Variants in KIF20B observed in about 807,000 individuals in gnomAD.
KIF20B encodes kinesin-like protein KIF20B.
KIF20B carries 188 observed loss-of-function variants against 232.5 expected under a neutral mutation model. The ratio of observed to expected loss-of-function variants is 0.81; its 90% CI spans 0.72 to 0.91. The LOEUF is 0.91. KIF20B is among the 40% of genes least tolerant of loss of function. KIF20B has a pLI of 0.00. For missense variants in KIF20B, 2,154 were observed against 2,055.9 expected (o/e 1.05, Z -0.92); for synonymous variants, 712 against 683.0 (o/e 1.04, Z -0.66).
chr10:89,722,466 A>T (rs1160246898), intron 13 of KIF20B, among the ~76,000 whole-genome samples: 1 of 152,102 alleles, frequency 6.6e-6, no homozygotes. Context: ...TTGAGAGATT[A>T]AGACCATCCT....
chr10:89,709,409 G>T lies in KIF20B; in HGVS notation c.299G>T (p.Arg100Leu), dbSNP rs763235804. 1.2e-6 allele frequency: 2 copies of T among 1,613,460 alleles called. No individual in the cohort carries two copies. The highest frequency in any genetic ancestry group is 4.5e-5 in the East Asian group (2 of 44,824). The change falls in exon 4 of 33, where the codon CGG becomes CTG. Residue 100 changes from arginine (R) to leucine (L), a missense_variant. Coordinates refer to ENST00000371728, the MANE Select transcript of KIF20B (RefSeq NM_001284259.2). ...VLKEPQCILG[R>L]LSEKSSGQMA... ...AAAGAGCCTCAATGCATCCTTGGTC[G>T]GTTAAGTGAAAAAAGCTCAGGGCAG...
At chr10:89,764,905 A>G (rs1482262117) in intron 29 of KIF20B, among the ~76,000 whole-genome samples, 2 of 151,580 alleles carry the variant, frequency 1.3e-5, no homozygotes, top group African/African-American at 2.4e-5. Context: ...GTTTAATTAG[A>G]TCCCATTTGT....
chr10:89,704,623 C>T (rs1842685722), intron 1 of KIF20B, among the ~76,000 whole-genome samples: 1 of 151,660 alleles, frequency 6.6e-6, no homozygotes, highest in Non-Finnish European at 1.5e-5. Flanking sequence ...GTGGCGCGAT[C>T]GCGATTCACT....
At chr10:89,763,447 C>A (rs904592019) in intron 29 of KIF20B, among the ~76,000 whole-genome samples, 2 of 152,096 alleles carry the variant, frequency 1.3e-5, no homozygotes, top group Admixed American at 1.3e-4. Context: ...AGTCACTTTC[C>A]CTGTATTGGA....
chr10:89,762,601 CT>C, intron 28 of KIF20B, 36 bp from the exon 29 acceptor site: 2 of 1,488,400 alleles, frequency 1.3e-6, no homozygotes, highest in Non-Finnish European at 9.3e-7. Flanking sequence ...AATGTATACT[CT>C]ACAAATAATA....
chr10:89,725,175 A>T lies in KIF20B; in HGVS notation c.2001+17A>T. On this transcript the variant is annotated intron_variant, in intron 15 of 32. Transcript: ENST00000371728. ...GAAACTGAAGTATGTTAATTGAAGT[A>T]TTTAAAAATATCCAGTGAGGTTTTG... The T allele has an allele frequency of 6.2e-7, 1 of 1,612,000 alleles. No homozygotes were observed. The highest frequency in any genetic ancestry group is 8.5e-7 in the Non-Finnish European group (1 of 1,178,556).
At position 89,727,860 on chromosome 10, in the gene KIF20B, A is replaced by C; in HGVS notation, c.2235A>C (p.Ser745=). 6.4e-7 allele frequency: 1 copy of C among 1,552,846 alleles called. No homozygotes were observed. ...CAATGTTCTTTATTTTTTCAGAATC[A>C]GATTCATTGATTCAAGAGCTTGAGA... The part of the protein sequence containing the change: ...KEELKKRENE[S]DSLIQELETS... The change falls in exon 17 of 33, where the codon TCA becomes TCC. Residue 745 remains serine, a synonymous_variant. Coordinates refer to ENST00000371728, the MANE Select transcript of KIF20B (RefSeq NM_001284259.2).
intron 26 of KIF20B, among the ~76,000 whole-genome samples, chr10:89,758,071 C>G (rs1184923736): frequency 6.6e-6 from 1 of 151,878 alleles, no homozygotes; most frequent in African/African-American, 2.4e-5. Flanking sequence ...TTTGAGTATT[C>G]TAGATGATTT....
Position 89,768,749 on chromosome 10 carries a change from T to A in KIF20B, c.5103T>A (p.Arg1701=), listed in dbSNP as rs768046712. The A allele has an allele frequency of 6.3e-7, 1 of 1,588,692 alleles. No homozygotes were observed. Among genetic ancestry groups the A allele is most frequent in the Admixed American group, 1.9e-5 (1 of 52,556 alleles). The change falls in exon 31 of 33, where the codon CGT becomes CGA. Residue 1701 remains arginine, a synonymous_variant. Transcript: ENST00000371728. ...SVKKEQKVAI[R]PSSKKTYSLR... ...GTTTTGTTTATTAGGTTGCCATACGTCCATCATCTAAGAAAACATATTCTT... is the reference window on the plus strand; with the variant it reads ...GTTTTGTTTATTAGGTTGCCATACGACCATCATCTAAGAAAACATATTCTT...
chr10:89,719,928 A>G (rs1250046537), intron 13 of KIF20B, among the ~76,000 whole-genome samples: 1 of 152,188 alleles, frequency 6.6e-6, no homozygotes, highest in Non-Finnish European at 1.5e-5. Context: ...GTATGTGAAT[A>G]CACATCTTTT....
In KIF20B at chr10:89,774,032, C is replaced by A. The variant is rs80126189; in HGVS notation, c.5447C>A (p.Thr1816Lys). 1.9e-6 allele frequency: 3 copies of A among 1,579,420 alleles called. No homozygotes were observed. The highest frequency in any genetic ancestry group is 2.6e-6 in the Non-Finnish European group (3 of 1,159,344). The change falls in exon 33 of 33, where the codon ACA becomes AAA. Residue 1816 changes from threonine to lysine, a missense_variant. Thr to Lys is a moderately conservative substitution (Grantham distance 78, BLOSUM62 -1). Coordinates refer to ENST00000371728, the MANE Select transcript of KIF20B (RefSeq NM_001284259.2). Reference sequence around the variant, plus strand: ...CAGATTATCAAACGACGACTTCGAACAAAAACAGCCAAATAAATCACTTAT... The same window carrying A: ...CAGATTATCAAACGACGACTTCGAAAAAAAACAGCCAAATAAATCACTTAT... ...DHQIIKRRLRTKTAK is the reference protein window; with the variant it reads ...DHQIIKRRLRKKTAK
chr10:89,706,729 A>G (rs946984237), intron 2 of KIF20B, among the ~76,000 whole-genome samples: 11 of 151,522 alleles, frequency 7.3e-5, no homozygotes, highest in Admixed American at 3.9e-4. Flanking sequence ...ACGGCTGTGT[A>G]TATGTGGATC....
At position 89,706,835 on chromosome 10, in the gene KIF20B, G is replaced by A. The variant is rs139675499; in HGVS notation, c.147+1394G>A. 2.9e-3 allele frequency among the ~76,000 whole-genome samples: 437 copies of A among 152,114 alleles called. 2 individuals are homozygous for A. The highest frequency in any genetic ancestry group is 9.2e-3 in the African/African-American group (382 of 41,518). On this transcript the variant is annotated intron_variant, in intron 2 of 32. Coordinates refer to ENST00000371728, the MANE Select transcript of KIF20B (RefSeq NM_001284259.2). Reference sequence around the variant, plus strand: ...AGCTTTATAATGATTCTTGAAATTAGGTAGTGTGAATTCTCCAGTTTTGCT... The same window carrying A: ...AGCTTTATAATGATTCTTGAAATTAAGTAGTGTGAATTCTCCAGTTTTGCT...
In KIF20B at chr10:89,715,144, G is replaced by A. The variant is rs755790468; in HGVS notation, c.902G>A (p.Arg301His). Residue 301 changes from arginine to histidine, a missense_variant, in exon 8 of 33, where the codon CGC becomes CAC. Transcript: ENST00000371728. The stretch of plus-strand genomic sequence containing the variant: ...AAATTCCAAAAGAGAAAGATGCTGC[G>A]CCTTTCCCAAGACGTAAAGGGCTAT... ...SSKFQKRKML[R>H]LSQDVKGYSF... The A allele has an allele frequency of 3.1e-6, 5 of 1,605,026 alleles. No homozygotes were observed. In the South Asian group the frequency reaches 3.4e-5, roughly 11 times the overall value.
In KIF20B at chr10:89,773,113, C is replaced by A. The variant is rs146034963; in HGVS notation, c.5385+282C>A. Among the ~76,000 whole-genome samples the A allele has an allele frequency of 4.6e-5, 7 of 151,858 alleles. No homozygotes were observed. The East Asian group carries it at 1.4e-3, about 29-fold the overall frequency. Reference sequence around the variant, plus strand: ...TTATTTGCCTCCACAATCTTTTTTTCTTTTTCTTTCTCTTTTTTAAATCAC... The same window carrying A: ...TTATTTGCCTCCACAATCTTTTTTTATTTTTCTTTCTCTTTTTTAAATCAC... On this transcript the variant is annotated intron_variant, in intron 32 of 32. Coordinates refer to ENST00000371728, the MANE Select transcript of KIF20B (RefSeq NM_001284259.2).
intron 7 of KIF20B, 32 bp from the exon 8 acceptor site, chr10:89,714,923 G>T: frequency 2.3e-6 from 3 of 1,319,172 alleles, no homozygotes; most frequent in Non-Finnish European, 2.1e-6. Context: ...GCTTACTTTC[G>T]TGATTGTTTT....
At chr10:89,706,285 C>G (rs954066105) in intron 2 of KIF20B, among the ~76,000 whole-genome samples, 2 of 152,132 alleles carry the variant, frequency 1.3e-5, no homozygotes, top group African/African-American at 4.8e-5. Context: ...TGTAAAGTGT[C>G]TCTTCAGATC....
chr10:89,758,035 A>G (rs1842166419), intron 26 of KIF20B, among the ~76,000 whole-genome samples: 1 of 151,862 alleles, frequency 6.6e-6, no homozygotes, highest in South Asian at 2.1e-4. Context: ...AATTGCTGTC[A>G]TTTTGTTCTT....
intron 2 of KIF20B, among the ~76,000 whole-genome samples, chr10:89,708,891 A>G (rs1689401986): frequency 6.6e-6 from 1 of 152,192 alleles, no homozygotes; most frequent in African/African-American, 2.4e-5. Context: ...TTAGGGCCTC[A>G]TTAATTATAT....
Sources: gnomAD v4.1 joint callset for allele counts (sites outside exome capture counted in the v4.1 genomes callset) on GRCh38, gnomAD v4.1.1 for gene constraint, MANE v1.5 for transcripts, NCBI Gene and HGNC (gene_info 2026-07-23, HGNC 2026-07-21) for gene names.